MBD5: variants seen among roughly 807,000 people sequenced by gnomAD.
MBD5 encodes methyl-CpG-binding domain protein 5.
MBD5 carries 13 observed loss-of-function variants against 117.3 expected under a neutral mutation model. The observed-to-expected ratio is 0.11, with a 90% CI of 0.07 to 0.18. The LOEUF is 0.18. MBD5 is among the 10% of genes least tolerant of loss of function. The probability of loss-of-function intolerance (pLI) is 1.00; values close to 1 mark genes in which losing one functional copy is unlikely to be tolerated. For missense variants in MBD5, 1,879 were observed against 2,093.8 expected (o/e 0.90, Z 2.00); for synonymous variants, 727 against 766.4 (o/e 0.95, Z 0.85).
intron 1 of MBD5, among the ~76,000 whole-genome samples, chr2:148,175,036 A>G (rs1257810259): frequency 3.9e-5 from 6 of 152,172 alleles, no homozygotes; most frequent in Non-Finnish European, 8.8e-5. Flanking sequence ...GCCAAGTTAC[A>G]GAATCAAACT....
At chr2:148,491,189 C>T (rs1681513792) in intron 11 of MBD5, among the ~76,000 whole-genome samples, 1 of 152,034 alleles carries the variant, frequency 6.6e-6, no homozygotes, top group Non-Finnish European at 1.5e-5. Flanking sequence ...AAATGTTTAA[C>T]CTCATAGTCT....
rs141855494 is a variant in MBD5, at chr2:148,463,798, A to G, written c.276A>G (p.Ala92=). 3.7e-5 allele frequency: 59 copies of G among 1,613,888 alleles called. No individual in the cohort carries two copies. In the African/African-American group the frequency reaches 6.8e-4, roughly 19 times the overall value. The change falls in exon 7 of 14, where the codon GCA becomes GCG. Residue 92 remains alanine, a synonymous_variant. Transcript: ENST00000642680. ...VKQRTAEDVK[A]DEDVTKLCIH... ...AGAGAACCGCAGAAGATGTTAAGGC[A>G]GATGAAGATGTCACAAAGCTATGCA...
intron 5 of MBD5, chr2:148,460,336 A>T (rs1442433356): frequency 6.6e-6 from 1 of 152,178 alleles, no homozygotes; most frequent in Non-Finnish European, 1.5e-5. Flanking sequence ...AAGTCTGACT[A>T]GACTTTATAC....
rs565093267 is a variant in MBD5, at chr2:148,504,960, C to T, written c.5036+2451C>T. Among the ~76,000 whole-genome samples, 50 of 152,054 alleles carry T rather than the reference C, an allele frequency of 3.3e-4. No homozygotes were observed. The East Asian group carries it at 4.1e-3, about 12-fold the overall frequency. On this transcript the variant is annotated intron_variant, in intron 12 of 13. Transcript: ENST00000642680. ...TCAGATTTTTCACCTTAGGTATGGC[C>T]GTGTACAAGGACAATTTTAAGGCAA...
At chr2:148,315,587 T>C (rs1211902952) in intron 3 of MBD5, among the ~76,000 whole-genome samples, 1 of 152,140 alleles carries the variant, frequency 6.6e-6, no homozygotes, top group Non-Finnish European at 1.5e-5. Context: ...ACATTTTAGG[T>C]GACTTTGCTT....
At chr2:148,196,602 A>C (rs1698994784) in intron 2 of MBD5, among the ~76,000 whole-genome samples, 1 of 152,220 alleles carries the variant, frequency 6.6e-6, no homozygotes, top group Admixed American at 6.5e-5. Flanking sequence ...TTTTGTCATC[A>C]GCAATAACAG....
chr2:148,483,280 G>A lies in MBD5; in HGVS notation c.2689G>A (p.Ala897Thr), dbSNP rs778516851. The part of the protein sequence containing the change: ...SDFPFVGQEH[A>T]LHFPSNSTSN... The stretch of plus-strand genomic sequence containing the variant: ...TTTTCCTTTTGTTGGCCAGGAGCAC[G>A]CACTTCATTTTCCATCCAACAGCAC... The change falls in exon 9 of 14, where the codon GCA (alanine) becomes ACA (threonine). Residue 897 changes from alanine to threonine, a missense_variant. By Grantham distance (58) the Ala-to-Thr change is moderately conservative. Around this residue, in one of 4 missense-constraint regions of MBD5, gnomAD observed 1,666 missense variants for 1,792.2 expected, o/e 0.93. Coordinates refer to ENST00000642680, the MANE Select transcript of MBD5 (RefSeq NM_001378120.1). 7 of 1,613,922 alleles carry A rather than the reference G, an allele frequency of 4.3e-6. No individual in the cohort carries two copies. The highest frequency in any genetic ancestry group is 5.9e-6 in the Non-Finnish European group (7 of 1,180,002).
intron 1 of MBD5, among the ~76,000 whole-genome samples, chr2:148,154,539 C>T (rs77359416): frequency 1.4e-4 from 21 of 152,330 alleles, no homozygotes; most frequent in Non-Finnish European, 2.4e-4. Context: ...GCCTGGCTGC[C>T]GCCTTGCAAT....
intron 4 of MBD5, among the ~76,000 whole-genome samples, chr2:148,345,700 T>TTA (rs994923237): frequency 1.3e-5 from 2 of 148,806 alleles, no homozygotes; most frequent in Non-Finnish European, 1.5e-5. Flanking sequence ...TATATATGTA[T>TTA]TATATATATT....
At chr2:148,425,454 G>T (rs1020134642) in intron 4 of MBD5, among the ~76,000 whole-genome samples, 22 of 152,082 alleles carry the variant, frequency 1.4e-4, no homozygotes, top group African/African-American at 5.1e-4. Context: ...TTCTACCAGA[G>T]GTACAAAGAG....
At chr2:148,174,208 T>A (rs576089181) in intron 1 of MBD5, among the ~76,000 whole-genome samples, 1 of 152,204 alleles carries the variant, frequency 6.6e-6, no homozygotes, top group Non-Finnish European at 1.5e-5. Context: ...TGGCAAAGGA[T>A]AGTCTCTTTA....
intron 1 of MBD5, among the ~76,000 whole-genome samples, chr2:148,145,254 G>C (rs920157076): frequency 1.3e-5 from 2 of 152,086 alleles, no homozygotes. Context: ...CTGTTTGTCT[G>C]TTATTGCTTT....
intron 1 of MBD5, among the ~76,000 whole-genome samples, chr2:148,140,243 G>A (rs1697281431): frequency 6.6e-6 from 1 of 151,856 alleles, no homozygotes; most frequent in Non-Finnish European, 1.5e-5. Context: ...CATGTATATT[G>A]ACAATGGATT....
At position 148,483,373 on chromosome 2, in the gene MBD5, G is replaced by A; in HGVS notation, c.2782G>A (p.Val928Met). Residue 928 changes from valine to methionine, a missense_variant, in exon 9 of 14, where the codon GTG becomes ATG. Val to Met is a conservative substitution (Grantham distance 21). Transcript: ENST00000642680. Reference protein sequence around the residue: ...LLSSLPISLPVNQQHLLNQNL... With the variant: ...LLSSLPISLPMNQQHLLNQNL... ...CAGTTCTCTACCTATCTCTTTGCCA[G>A]TGAATCAACAGCATCTCCTAAACCA... The A allele has an allele frequency of 6.2e-7, 1 of 1,614,036 alleles. No individual in the cohort carries two copies.
At chr2:148,094,864 G>C (rs1377478205) in intron 1 of MBD5, among the ~76,000 whole-genome samples, 1 of 152,144 alleles carries the variant, frequency 6.6e-6, no homozygotes, top group African/African-American at 2.4e-5. Flanking sequence ...TGCTCAGAGA[G>C]TAAGATAAGT....
intron 1 of MBD5, among the ~76,000 whole-genome samples, chr2:148,113,169 AC>A (rs1320377511): frequency 6.6e-6 from 1 of 152,164 alleles, no homozygotes; most frequent in Non-Finnish European, 1.5e-5. Flanking sequence ...CTTTTATCAC[AC>A]AAACTCCTAA....
chr2:148,355,610 G>A (rs911222358), intron 4 of MBD5, among the ~76,000 whole-genome samples: 4 of 152,056 alleles, frequency 2.6e-5, no homozygotes, highest in African/African-American at 9.7e-5. Flanking sequence ...TATTATTTCT[G>A]AGGTCTCTGT....
rs574840839 is a variant in MBD5 at position 148,225,430 on chromosome 2, AT to A, written c.-830-7809del. On this transcript the variant is annotated intron_variant, in intron 2 of 13. Coordinates refer to ENST00000642680, the MANE Select transcript of MBD5 (RefSeq NM_001378120.1). ...TATGTCTTGAAAACTTGTTATGGTT[AT>A]TTTTTATTTATTTTATTGGTTAATT... Among the ~76,000 whole-genome samples, 106 of 151,922 alleles carry A rather than the reference AT, an allele frequency of 7.0e-4. 4 individuals are homozygous for A. In the South Asian group the frequency reaches 0.022, roughly 31 times the overall value.
intron 3 of MBD5, among the ~76,000 whole-genome samples, chr2:148,285,032 A>G (rs1418127872): frequency 2.0e-5 from 3 of 152,186 alleles, no homozygotes; most frequent in Non-Finnish European, 4.4e-5. Flanking sequence ...ACAGCAGCAG[A>G]CTAGGACCAC....
Sources: allele counts gnomAD v4.1 joint callset (sites outside exome capture counted in the v4.1 genomes callset), GRCh38; gene constraint gnomAD v4.1.1; regional missense constraint gnomAD v4.1.1; transcripts MANE v1.5; gene names NCBI Gene and HGNC (gene_info 2026-07-23, HGNC 2026-07-21).